EPHA6: variants seen among roughly 807,000 people sequenced by gnomAD.
EPHA6 encodes the protein EPH receptor A6.
EPHA6 carries 50 observed loss-of-function variants against 112.0 expected under a neutral mutation model. The observed-to-expected ratio is 0.45, with a 90% confidence interval of 0.36 to 0.56. The LOEUF is 0.56. Among genes scored for constraint, EPHA6 ranks in the 20% least tolerant of loss-of-function variants. EPHA6 has a pLI of 0.00. For synonymous variants in EPHA6, 529 were observed against 490.7 expected (o/e 1.08, Z -1.03); for missense variants, 1,280 against 1,417.4 (o/e 0.90, Z 1.56).
chr3:97,426,431 A>G (rs1433023070), intron 6 of EPHA6, among the ~76,000 whole-genome samples: 1 of 152,206 alleles, frequency 6.6e-6, no homozygotes, highest in Non-Finnish European at 1.5e-5. Context: ...CCATAATTCA[A>G]TTATTTCCAC....
At chr3:96,973,156 T>C (rs1315756640) in intron 2 of EPHA6, among the ~76,000 whole-genome samples, 1 of 152,174 alleles carries the variant, frequency 6.6e-6, no homozygotes, top group Admixed American at 6.6e-5. Context: ...CAAAAATTCA[T>C]ATGTGGATGT....
At chr3:97,290,780 T>A (rs1438366972) in intron 5 of EPHA6, among the ~76,000 whole-genome samples, 1 of 152,110 alleles carries the variant, frequency 6.6e-6, no homozygotes, top group Non-Finnish European at 1.5e-5. Context: ...CTTTAGTTAG[T>A]CTAGGTAGTG....
intron 5 of EPHA6, among the ~76,000 whole-genome samples, chr3:97,264,758 C>T (rs1025982613): frequency 3.9e-5 from 6 of 152,166 alleles, no homozygotes; most frequent in African/African-American, 9.6e-5. Flanking sequence ...AGCAATAGAA[C>T]AGCTCTGAGG....
At chr3:96,882,196 A>G (rs1452463159) in intron 2 of EPHA6, among the ~76,000 whole-genome samples, 1 of 152,010 alleles carries the variant, frequency 6.6e-6, no homozygotes, top group East Asian at 1.9e-4. Flanking sequence ...GCACTTTAAG[A>G]TTTGACTGCC....
intron 14 of EPHA6, among the ~76,000 whole-genome samples, chr3:97,667,555 A>G (rs1471362704): frequency 6.6e-6 from 1 of 152,234 alleles, no homozygotes; most frequent in African/African-American, 2.4e-5. Context: ...AAAAAGACAT[A>G]GACACATTTC....
chr3:97,639,433 A>G (rs2107563241), intron 14 of EPHA6, among the ~76,000 whole-genome samples: 1 of 152,180 alleles, frequency 6.6e-6, no homozygotes, highest in South Asian at 2.1e-4. Flanking sequence ...TTTTTCCATT[A>G]AGCACATTAT....
intron 11 of EPHA6, among the ~76,000 whole-genome samples, chr3:97,583,950 A>G (rs1290698089): frequency 2.0e-5 from 3 of 152,242 alleles, no homozygotes; most frequent in Non-Finnish European, 4.4e-5. Flanking sequence ...CACTTCTTAG[A>G]TAAAAGAACT....
chr3:97,178,179 C>T (rs2076890102), intron 3 of EPHA6, among the ~76,000 whole-genome samples: 1 of 151,634 alleles, frequency 6.6e-6, no homozygotes, highest in East Asian at 1.9e-4. Context: ...AACCTTATAA[C>T]AATTTAACAC....
At chr3:97,023,352 T>C (rs2044527738) in intron 3 of EPHA6, among the ~76,000 whole-genome samples, 1 of 152,196 alleles carries the variant, frequency 6.6e-6, no homozygotes, top group African/African-American at 2.4e-5. Flanking sequence ...GTGCTGGGAT[T>C]ACAGGCTTGA....
At chr3:96,879,544 G>C (rs1053410247) in intron 2 of EPHA6, among the ~76,000 whole-genome samples, 1 of 151,942 alleles carries the variant, frequency 6.6e-6, no homozygotes, top group Non-Finnish European at 1.5e-5. Context: ...ACACAGTGGA[G>C]TGACTATGGT....
intron 5 of EPHA6, among the ~76,000 whole-genome samples, chr3:97,385,019 T>G (rs918253238): frequency 6.6e-6 from 1 of 152,206 alleles, no homozygotes; most frequent in African/African-American, 2.4e-5. Context: ...TCATGGCTGA[T>G]TTAAAGCTAC....
chr3:97,579,572 C>T (rs2093418521), intron 11 of EPHA6, among the ~76,000 whole-genome samples: 1 of 152,098 alleles, frequency 6.6e-6, no homozygotes, highest in Non-Finnish European at 1.5e-5. Context: ...ATTGACCCTA[C>T]CTTATTGATG....
intron 7 of EPHA6, among the ~76,000 whole-genome samples, chr3:97,453,796 GAAATTATCCTAAAA>G (rs2090597621): frequency 6.6e-6 from 1 of 151,614 alleles, no homozygotes. Context: ...TTATAGGTAG[GAAATTATCCTAAAA>G]AATAAGATGC....
chr3:97,679,205 G>T (rs1038524576), intron 14 of EPHA6, among the ~76,000 whole-genome samples: 1 of 152,154 alleles, frequency 6.6e-6, no homozygotes, highest in African/African-American at 2.4e-5. Flanking sequence ...AATTTGCCCA[G>T]GTTTTACTTC....
chr3:96,988,782 C>T (rs2043111926), intron 3 of EPHA6, among the ~76,000 whole-genome samples: 1 of 152,030 alleles, frequency 6.6e-6, no homozygotes, highest in Non-Finnish European at 1.5e-5. Context: ...GAAATGTTAA[C>T]ATCGCAAAAT....
At chr3:97,485,720 T>C (rs1348125331) in intron 10 of EPHA6, among the ~76,000 whole-genome samples, 2 of 152,222 alleles carry the variant, frequency 1.3e-5, no homozygotes, top group East Asian at 3.9e-4. Flanking sequence ...GATTGAATTA[T>C]ATTCATTTAG....
chr3:97,570,521 G>A (rs539983329), intron 11 of EPHA6, among the ~76,000 whole-genome samples: 1 of 152,232 alleles, frequency 6.6e-6, no homozygotes, highest in African/African-American at 2.4e-5. Context: ...CACGAGGTCG[G>A]GAGTTGAACA....
intron 3 of EPHA6, among the ~76,000 whole-genome samples, chr3:97,138,660 T>C (rs1215611859): frequency 6.6e-6 from 1 of 152,154 alleles, no homozygotes; most frequent in African/African-American, 2.4e-5. Context: ...AGATCAGATT[T>C]GTAATCTAAT....
intron 3 of EPHA6, among the ~76,000 whole-genome samples, chr3:97,062,782 G>A (rs2046062740): frequency 6.6e-6 from 1 of 152,074 alleles, no homozygotes; most frequent in Non-Finnish European, 1.5e-5. Flanking sequence ...TGATTGTGAG[G>A]CCTCCCCAGC....
Sources: gnomAD v4.1 joint callset for allele counts (sites outside exome capture counted in the v4.1 genomes callset) on GRCh38, gnomAD v4.1.1 for gene constraint, MANE v1.5 for transcripts, NCBI Gene and HGNC (gene_info 2026-07-23, HGNC 2026-07-21) for gene names.